ITGAM: variants seen among roughly 807,000 people sequenced by gnomAD.
ITGAM encodes integrin subunit alpha M, also known as integrin alpha-M.
A neutral mutation model predicts 137.5 loss-of-function variants in ITGAM; 79 were observed. The ratio of observed to expected loss-of-function variants is 0.57; its 90% CI spans 0.48 to 0.69. The LOEUF (loss-of-function observed/expected upper bound fraction) is 0.69, where lower values mean the gene tolerates loss of function less well. Ranked by LOEUF, ITGAM falls within the 30% of genes least tolerant of loss-of-function variation. The probability of loss-of-function intolerance (pLI) is 0.00; values close to 1 mark genes in which losing one functional copy is unlikely to be tolerated. For synonymous variants in ITGAM, 583 were observed against 592.3 expected (o/e 0.98, Z 0.23); for missense variants, 1,343 against 1,483.5 (o/e 0.91, Z 1.56).
rs933306330 is a variant in ITGAM, at chr16:31,265,726, C to T, written c.239-85C>T. On this transcript the variant is annotated intron_variant, in intron 3 of 29. Transcript: ENST00000544665. ...TTCACCGTCAGACCTCCTTGTCTCC[C>T]GCATGGAGGTGACCCCTGCCCAGCT... 3.6e-5 allele frequency: 42 copies of T among 1,160,118 alleles called. No individual in the cohort carries two copies. In the Middle Eastern group the frequency reaches 7.5e-4, roughly 21 times the overall value. The allele number at this position is 1,160,118 out of a possible 1,614,324, so 71.9% of individuals were successfully genotyped here.
intron 14 of ITGAM, among the ~76,000 whole-genome samples, chr16:31,302,428 CTTCT>C (rs201632413): frequency 1.1e-3 from 113 of 103,178 alleles, no homozygotes; most frequent in South Asian, 1.7e-3. Context: ...TTCTTTCTTT[CTTCT>C]TTCTTTCTTT....
rs374994500 is a variant in ITGAM, at chr16:31,325,602, A to G, written c.2608A>G (p.Ile870Val). Residue 870 changes from isoleucine to valine, a missense_variant, in exon 21 of 30, where the codon ATC becomes GTC. Coordinates refer to ENST00000544665, the MANE Select transcript of ITGAM (RefSeq NM_000632.4). Reference protein sequence around the residue: ...KSTSCSINHPIFPENSEVTFN... With the variant: ...KSTSCSINHPVFPENSEVTFN... Reference sequence around the variant, plus strand: ...CACCAGCTGCAGCATAAACCACCCCATCTTCCCGGAAAACTCAGAGGTCAG... The same window carrying G: ...CACCAGCTGCAGCATAAACCACCCCGTCTTCCCGGAAAACTCAGAGGTCAG... 33 of 1,613,232 alleles carry G rather than the reference A, an allele frequency of 2.0e-5. No individual in the cohort carries two copies. In the African/African-American group the frequency reaches 2.4e-4, roughly 12 times the overall value.
intron 14 of ITGAM, among the ~76,000 whole-genome samples, chr16:31,313,401 G>A (rs2080356825): frequency 6.6e-6 from 1 of 151,574 alleles, no homozygotes; most frequent in Non-Finnish European, 1.5e-5. Flanking sequence ...CCCCTCAACA[G>A]GCTCCAGTGA....
intron 14 of ITGAM, among the ~76,000 whole-genome samples, chr16:31,312,317 A>G (rs900823195): frequency 9.9e-5 from 15 of 152,192 alleles, no homozygotes; most frequent in African/African-American, 3.6e-4. Context: ...AAGAAATCCA[A>G]TGAATCAATT....
At chr16:31,274,127 C>T (rs904415729) in intron 8 of ITGAM, among the ~76,000 whole-genome samples, 8 of 152,190 alleles carry the variant, frequency 5.3e-5, no homozygotes, top group Admixed American at 3.3e-4. Flanking sequence ...CAATCACAAA[C>T]GCCACAAGCT....
chr16:31,299,412 G>A (rs145860585), intron 14 of ITGAM, among the ~76,000 whole-genome samples: 97 of 152,028 alleles, frequency 6.4e-4, no homozygotes, highest in African/African-American at 2.3e-3. Flanking sequence ...GGGTTCAAGC[G>A]ATTCTCCTCT....
intron 14 of ITGAM, among the ~76,000 whole-genome samples, chr16:31,319,378 T>A (rs1176818561): frequency 6.6e-6 from 1 of 152,220 alleles, no homozygotes; most frequent in African/African-American, 2.4e-5. Flanking sequence ...GGTGTGTATA[T>A]AATTAATTGT....
chr16:31,313,717 G>C (rs1345429322), intron 14 of ITGAM, among the ~76,000 whole-genome samples: 1 of 152,176 alleles, frequency 6.6e-6, no homozygotes, highest in African/African-American at 2.4e-5. Context: ...ATAGTAGAAT[G>C]ATTTATAATC....
intron 21 of ITGAM, among the ~76,000 whole-genome samples, chr16:31,325,960 G>A (rs916866554): frequency 6.6e-6 from 1 of 152,028 alleles, no homozygotes; most frequent in Non-Finnish European, 1.5e-5. Context: ...CAGCTACTCG[G>A]GAGGCTAGGG....
At chr16:31,271,124 G>A in intron 6 of ITGAM, 40 bp downstream of exon 6, 1 of 1,437,876 alleles carries the variant, frequency 7.0e-7, no homozygotes, top group Non-Finnish European at 9.3e-7. Flanking sequence ...GCCCACACGG[G>A]GCTGGAAGAT....
Position 31,270,130 on chromosome 16 carries a change from C to CTTTCCTTTCCTTTCCTT in ITGAM, c.428-823_428-822insTTCCTTTCCTTTCCTTT, listed in dbSNP as rs770982735. On this transcript the variant is annotated intron_variant, in intron 5 of 29. Coordinates refer to ENST00000544665, the MANE Select transcript of ITGAM (RefSeq NM_000632.4). ...CCTTCCTTCCTTCCTTCCTTCCTTC[C>CTTTCCTTTCCTTTCCTT]TCCTTTGCTTTCCTTTCCTTTCCTT... Among the ~76,000 whole-genome samples the CTTTCCTTTCCTTTCCTT allele has an allele frequency of 6.2e-3, 560 of 90,202 alleles. 14 individuals carry two copies. The highest frequency in any genetic ancestry group is 0.015 in the African/African-American group (339 of 23,192). The allele number at this position is 90,202 out of a possible 152,430, so 59.2% of individuals were successfully genotyped here.
intron 14 of ITGAM, among the ~76,000 whole-genome samples, chr16:31,299,618 AT>A (rs1019413102): frequency 2.4e-4 from 37 of 152,076 alleles, no homozygotes; most frequent in African/African-American, 8.9e-4. Flanking sequence ...CAGTTTGGCT[AT>A]TTTAGATAAC....
intron 12 of ITGAM, among the ~76,000 whole-genome samples, chr16:31,279,522 T>A (rs1388237292): frequency 6.6e-6 from 1 of 152,238 alleles, no homozygotes; most frequent in Non-Finnish European, 1.5e-5. Context: ...GTCTGTTGGC[T>A]GCATAAATGT....
At chr16:31,264,647 G>GA (rs1318200134) in intron 2 of ITGAM, among the ~76,000 whole-genome samples, 382 of 141,666 alleles carry the variant, frequency 2.7e-3, no homozygotes, top group African/African-American at 8.5e-3. Flanking sequence ...CTGTCTCAAA[G>GA]AAAAAAAAAA....
rs748936897 is a variant in ITGAM at position 31,329,225 on chromosome 16, C to T, written c.2793-3C>T. ...ACCTCCTGTCCCTTTTTTCTCCCTT[C>T]AGCCATGGGGTCTCCACTAAATATC... On this transcript the variant is annotated splice_region_variant and splice_polypyrimidine_tract_variant and intron_variant, in intron 23 of 29. Coordinates refer to ENST00000544665, the MANE Select transcript of ITGAM (RefSeq NM_000632.4). The T allele has an allele frequency of 1.9e-6, 3 of 1,608,068 alleles. No homozygotes were observed. The highest frequency in any genetic ancestry group is 2.2e-5 in the South Asian group (2 of 90,742).
intron 14 of ITGAM, among the ~76,000 whole-genome samples, chr16:31,303,399 A>G (rs1390543105): frequency 6.6e-6 from 1 of 152,226 alleles, no homozygotes; most frequent in Non-Finnish European, 1.5e-5. Context: ...TGAATGGACT[A>G]TAGTTATTAT....
intron 12 of ITGAM, among the ~76,000 whole-genome samples, chr16:31,282,501 T>A (rs1275484046): frequency 6.6e-6 from 1 of 152,216 alleles, no homozygotes; most frequent in African/African-American, 2.4e-5. Context: ...TTGATCTTTG[T>A]TGGTTTAAAG....
chr16:31,316,906 A>G (rs190008823), intron 14 of ITGAM, among the ~76,000 whole-genome samples: 1 of 152,274 alleles, frequency 6.6e-6, no homozygotes, highest in East Asian at 1.9e-4. Flanking sequence ...GTTTGTTGTT[A>G]GTGTATAGAA....
chr16:31,303,401 A>C (rs887661620), intron 14 of ITGAM, among the ~76,000 whole-genome samples: 1 of 152,220 alleles, frequency 6.6e-6, no homozygotes, highest in Non-Finnish European at 1.5e-5. Context: ...AATGGACTAT[A>C]GTTATTATCT....
Sources: gnomAD v4.1 joint callset for allele counts (sites outside exome capture counted in the v4.1 genomes callset) on GRCh38, gnomAD v4.1.1 for gene constraint, MANE v1.5 for transcripts, NCBI Gene and HGNC (gene_info 2026-07-23, HGNC 2026-07-21) for gene names.